CCDC7: variants seen among roughly 807,000 people sequenced by gnomAD.
The protein encoded by CCDC7 is coiled-coil domain containing 7, also known as coiled-coil domain-containing protein 7.
Under a neutral mutation model 196.9 loss-of-function variants are expected in CCDC7, and 183 were observed. The observed-to-expected ratio is 0.93, with a 90% CI of 0.82 to 1.05. CCDC7 has a LOEUF of 1.05. Among genes scored for constraint, CCDC7 ranks in the 50% least tolerant of loss-of-function variants. The pLI is 0.00. For synonymous variants in CCDC7, 525 were observed against 484.6 expected, an observed-to-expected ratio of 1.08 and a Z score of -1.10; for missense variants, 1,540 against 1,482.2, an observed-to-expected ratio of 1.04 and a Z score of -0.64.
chr10:32,520,192 T>G (rs947685871), intron 11 of CCDC7, among the ~76,000 whole-genome samples: 1 of 152,150 alleles, frequency 6.6e-6, no homozygotes, highest in African/African-American at 2.4e-5. Context: ...AGTGCAGATG[T>G]CTCTTTGATA....
At chr10:32,702,326 G>T (rs181312165) in intron 24 of CCDC7, among the ~76,000 whole-genome samples, 130 of 152,048 alleles carry the variant, frequency 8.5e-4, no homozygotes, top group African/African-American at 2.8e-3. Context: ...GTAGTTGAGC[G>T]GTTTTGAGTG....
chr10:32,743,896 C>A (rs774477224), intron 28 of CCDC7, among the ~76,000 whole-genome samples: 1 of 149,618 alleles, frequency 6.7e-6, no homozygotes, highest in Non-Finnish European at 1.5e-5. Context: ...GGACAAAAAA[C>A]CAAACACCGC....
chr10:32,531,480 A>G (rs1266015516), intron 11 of CCDC7, among the ~76,000 whole-genome samples: 1 of 152,160 alleles, frequency 6.6e-6, no homozygotes, highest in Admixed American at 6.5e-5. Context: ...GCAGATTTTT[A>G]CATCTATGTT....
At chr10:32,660,461 T>C (rs1243883609) in intron 20 of CCDC7, among the ~76,000 whole-genome samples, 3 of 134,332 alleles carry the variant, frequency 2.2e-5, no homozygotes, top group African/African-American at 8.4e-5. Flanking sequence ...GAACTCATCA[T>C]TTTTTATGGC....
At chr10:32,443,831 ATCT>A (rs1158291639), upstream of CCDC7, among the ~76,000 whole-genome samples, 6 of 152,168 alleles carry the variant, frequency 3.9e-5, no homozygotes, top group Admixed American at 1.3e-4. Context: ...CTAGAAAATA[ATCT>A]TCTTGGATTT....
chr10:32,446,320 C>G (rs2030964153), exon 1 of CCDC7: 2 of 152,330 alleles, frequency 1.3e-5, no homozygotes, highest in African/African-American at 4.8e-5. Flanking sequence ...TTGTCATCTT[C>G]CTCAGGCAAA....
exon 15 of CCDC7, chr10:32,567,699 C>G: frequency 3.1e-6 from 5 of 1,612,612 alleles, no homozygotes; most frequent in Non-Finnish European, 3.4e-6. Flanking sequence ...ATCAACTTAA[C>G]TATTTCCTAA....
intron 33 of CCDC7, among the ~76,000 whole-genome samples, chr10:32,843,993 G>A (rs1049141884): frequency 2.0e-5 from 3 of 151,842 alleles, no homozygotes; most frequent in Admixed American, 6.6e-5. Context: ...ATTTATTCAA[G>A]AGCTCAGACA....
intron 18 of CCDC7, among the ~76,000 whole-genome samples, chr10:32,632,681 A>G (rs1338708210): frequency 6.6e-6 from 1 of 151,574 alleles, no homozygotes; most frequent in Non-Finnish European, 1.5e-5. Context: ...CTCCCTTATG[A>G]TTTTTTCCTT....
At chr10:32,609,481 T>C (rs1053037312) in intron 18 of CCDC7, among the ~76,000 whole-genome samples, 1 of 152,214 alleles carries the variant, frequency 6.6e-6, no homozygotes, top group African/African-American at 2.4e-5. Flanking sequence ...ATCCTTTTAC[T>C]TTGAATTTCC....
intron 41 of CCDC7, among the ~76,000 whole-genome samples, chr10:32,862,325 C>A (rs572795639): frequency 9.1e-4 from 137 of 149,960 alleles, no homozygotes; most frequent in African/African-American, 3.3e-3. Flanking sequence ...AACAGAAAAC[C>A]AAACACTGCA....
At chr10:32,706,813 TA>T (rs1484018714) in intron 24 of CCDC7, among the ~76,000 whole-genome samples, 1 of 152,152 alleles carries the variant, frequency 6.6e-6, no homozygotes, top group Non-Finnish European at 1.5e-5. Context: ...GGCTCTGAAA[TA>T]GAGGCAATAA....
intron 36 of CCDC7, 62 bp downstream of exon 37, chr10:32,846,021 G>T: frequency 8.2e-7 from 1 of 1,215,824 alleles, no homozygotes; most frequent in South Asian, 1.2e-5. Flanking sequence ...GAGTTAAATT[G>T]AAGTATAGAC....
At chr10:32,500,953 G>A (rs1421060355) in intron 9 of CCDC7, among the ~76,000 whole-genome samples, 1 of 152,202 alleles carries the variant, frequency 6.6e-6, no homozygotes, top group African/African-American at 2.4e-5. Context: ...GGCTGAGGCA[G>A]GAGAATCAGG....
chr10:32,719,033 C>T (rs2082019882), intron 25 of CCDC7, among the ~76,000 whole-genome samples: 1 of 152,126 alleles, frequency 6.6e-6, no homozygotes, highest in Admixed American at 6.5e-5. Flanking sequence ...CTTTAAGTTT[C>T]ATATGGAACC....
intron 33 of CCDC7, among the ~76,000 whole-genome samples, chr10:32,844,646 A>T (rs1458684408): frequency 6.6e-6 from 1 of 151,832 alleles, no homozygotes; most frequent in Non-Finnish European, 1.5e-5. Context: ...TGCATAAGAG[A>T]TGCATTATAT....
At chr10:32,705,474 A>G (rs2079557071) in intron 24 of CCDC7, among the ~76,000 whole-genome samples, 2 of 152,110 alleles carry the variant, frequency 1.3e-5, no homozygotes, top group Non-Finnish European at 1.5e-5. Context: ...AACAATATTA[A>G]ACTTAAATGT....
intron 23 of CCDC7, among the ~76,000 whole-genome samples, chr10:32,690,124 G>A (rs894197985): frequency 2.0e-5 from 3 of 152,164 alleles, no homozygotes; most frequent in Non-Finnish European, 4.4e-5. Flanking sequence ...ATCAATCCTA[G>A]GCATTTTATC....
At chr10:32,556,272 G>A (rs887580218) in intron 13 of CCDC7, among the ~76,000 whole-genome samples, 5 of 151,900 alleles carry the variant, frequency 3.3e-5, no homozygotes, top group South Asian at 2.1e-4. Flanking sequence ...TATAGACTAG[G>A]CTGCTATAAA....
Sources: allele counts gnomAD v4.1 joint callset (sites outside exome capture counted in the v4.1 genomes callset), GRCh38; gene constraint gnomAD v4.1.1; transcripts MANE v1.5; gene names NCBI Gene and HGNC (gene_info 2026-07-23, HGNC 2026-07-21).